Variants in PCDH9 observed in about 807,000 individuals in gnomAD.
PCDH9 encodes protocadherin-9.
A neutral mutation model predicts 70.6 loss-of-function variants in PCDH9; 24 were observed. That is an observed-to-expected ratio of 0.34 (90% CI 0.25 to 0.48). The LOEUF (loss-of-function observed/expected upper bound fraction) is 0.48, where lower values mean the gene tolerates loss of function less well. Ranked by LOEUF, PCDH9 falls within the 20% of genes least tolerant of loss-of-function variation. The probability of loss-of-function intolerance (pLI) is 0.99; values close to 1 mark genes in which losing one functional copy is unlikely to be tolerated. For missense variants in PCDH9, 1,281 were observed against 1,503.6 expected, an observed-to-expected ratio of 0.85 and a Z score of 2.45; for synonymous variants, 562 against 558.5, an observed-to-expected ratio of 1.01 and a Z score of -0.09.
intron 4 of PCDH9, among the ~76,000 whole-genome samples, chr13:66,327,636 ATACCTGTGCTATT>A (rs1955871090): frequency 1.3e-5 from 2 of 152,220 alleles, no homozygotes; most frequent in African/African-American, 4.8e-5. Flanking sequence ...CAAAGTTCAA[ATACCTGTGCTATT>A]ATAGGAGTGG....
intron 2 of PCDH9, among the ~76,000 whole-genome samples, chr13:66,938,374 T>C (rs1323909): frequency 0.37 from 56,331 of 152,058 alleles, 10,737 homozygotes; most frequent in East Asian, 0.57. Flanking sequence ...TAGACCGAAG[T>C]TTGCAAGATG....
intron 4 of PCDH9, among the ~76,000 whole-genome samples, chr13:66,516,832 C>T (rs1052578443): frequency 6.6e-6 from 1 of 151,964 alleles, no homozygotes; most frequent in Admixed American, 6.6e-5. Flanking sequence ...TCATCAAAAC[C>T]TTTAGAACCT....
In PCDH9 at chr13:66,764,620, GAA is replaced by G. The variant is rs1027252143; in HGVS notation, c.3139-133211_3139-133210del. Among the ~76,000 whole-genome samples, 3 of 152,038 alleles carry G rather than the reference GAA, an allele frequency of 2.0e-5. No individual in the cohort carries two copies. In the East Asian group the frequency reaches 5.8e-4, roughly 29 times the overall value. On this transcript the variant is annotated intron_variant, in intron 3 of 4. Transcript: ENST00000377865. Reference sequence around the variant, plus strand: ...TAAGACAAAAAAGAACAAAAGTAAAGAAAAAAGTTATTTTCCATCCTCTAAAG... The same window carrying G: ...TAAGACAAAAAAGAACAAAAGTAAAGAAAAGTTATTTTCCATCCTCTAAAG...
chr13:66,318,738 G>A (rs1197294493), intron 4 of PCDH9, among the ~76,000 whole-genome samples: 1 of 152,010 alleles, frequency 6.6e-6, no homozygotes, highest in Non-Finnish European at 1.5e-5. Flanking sequence ...GCATCATCTG[G>A]GTTATTTCCA....
At chr13:67,221,027 C>T (rs928795271) in intron 2 of PCDH9, 1 of 152,034 alleles carries the variant, frequency 6.6e-6, no homozygotes, top group Non-Finnish European at 1.5e-5. Context: ...TGAAAACTGA[C>T]TTCATGACCA....
chr13:66,691,666 T>A (rs2078488733), intron 3 of PCDH9, among the ~76,000 whole-genome samples: 1 of 152,164 alleles, frequency 6.6e-6, no homozygotes, highest in African/African-American at 2.4e-5. Flanking sequence ...TTAATCATTA[T>A]AATCACCATT....
At chr13:66,583,929 C>G (rs1406714271) in intron 4 of PCDH9, among the ~76,000 whole-genome samples, 1 of 152,136 alleles carries the variant, frequency 6.6e-6, no homozygotes, top group Admixed American at 6.5e-5. Context: ...ATGTTGTGAG[C>G]TGATGTTACC....
intron 4 of PCDH9, among the ~76,000 whole-genome samples, chr13:66,622,920 C>T (rs2077446175): frequency 6.6e-6 from 1 of 152,180 alleles, no homozygotes. Context: ...TGCAGCTTCA[C>T]TCCTGAAGCC....
intron 4 of PCDH9, among the ~76,000 whole-genome samples, chr13:66,383,924 C>T (rs2246680): frequency 0.98 from 148,593 of 152,208 alleles, 72,634 homozygotes; most frequent in East Asian, 1. Flanking sequence ...GTGCCCTAGT[C>T]CTTTTTTCTT....
At chr13:67,109,264 A>G (rs1215937556) in intron 2 of PCDH9, among the ~76,000 whole-genome samples, 1 of 151,990 alleles carries the variant, frequency 6.6e-6, no homozygotes, top group Admixed American at 6.6e-5. Context: ...AACTCTCCCC[A>G]CTTTATGTTC....
chr13:67,114,353 T>G (rs1017971720), intron 2 of PCDH9, among the ~76,000 whole-genome samples: 4 of 152,170 alleles, frequency 2.6e-5, no homozygotes, highest in African/African-American at 4.8e-5. Context: ...CAGGAACCAA[T>G]TTTAGCCTCT....
At chr13:66,533,596 C>T (rs538962977) in intron 4 of PCDH9, among the ~76,000 whole-genome samples, 2 of 152,130 alleles carry the variant, frequency 1.3e-5, no homozygotes, top group South Asian at 4.2e-4. Flanking sequence ...GGACATTCAA[C>T]CTAATGATTG....
At chr13:67,093,045 T>C (rs1467050117) in intron 2 of PCDH9, among the ~76,000 whole-genome samples, 2 of 152,222 alleles carry the variant, frequency 1.3e-5, no homozygotes, top group Non-Finnish European at 2.9e-5. Context: ...AAGAATATTT[T>C]GACCTCCAAA....
At chr13:66,735,997 A>T (rs978589798) in intron 3 of PCDH9, among the ~76,000 whole-genome samples, 2 of 152,060 alleles carry the variant, frequency 1.3e-5, no homozygotes, top group African/African-American at 4.8e-5. Flanking sequence ...AGAAGACATG[A>T]TATATGTGAA....
chr13:66,779,206 C>T (rs1191491121), intron 3 of PCDH9, among the ~76,000 whole-genome samples: 6 of 151,036 alleles, frequency 4.0e-5, no homozygotes, highest in Admixed American at 2.6e-4. Context: ...CATTTCCATT[C>T]TCCTTGAGCA....
intron 2 of PCDH9, among the ~76,000 whole-genome samples, chr13:66,909,255 C>G (rs1187462117): frequency 1.3e-5 from 2 of 151,806 alleles, no homozygotes; most frequent in African/African-American, 4.8e-5. Context: ...GTTGAAAGAT[C>G]TTTACAAGAA....
intron 2 of PCDH9, among the ~76,000 whole-genome samples, chr13:67,012,777 CTTT>C (rs1355640838): frequency 2.0e-5 from 3 of 151,892 alleles, no homozygotes; most frequent in African/African-American, 7.2e-5. Flanking sequence ...CAAATATTTC[CTTT>C]TTTATGTAAA....
intron 3 of PCDH9, among the ~76,000 whole-genome samples, chr13:66,868,726 T>C (rs1297241935): frequency 6.6e-6 from 1 of 152,144 alleles, no homozygotes; most frequent in Non-Finnish European, 1.5e-5. Flanking sequence ...GACATGAAAT[T>C]ATGGCAAGAG....
intron 2 of PCDH9, among the ~76,000 whole-genome samples, chr13:67,149,170 T>TA (rs754739362): frequency 3.6e-4 from 55 of 152,254 alleles, no homozygotes; most frequent in Non-Finnish European, 6.6e-4. Flanking sequence ...TAATTACATT[T>TA]AAAAAATGAT....
Sources: gnomAD v4.1 joint callset for allele counts (sites outside exome capture counted in the v4.1 genomes callset) on GRCh38, gnomAD v4.1.1 for gene constraint, MANE v1.5 for transcripts, NCBI Gene and HGNC (gene_info 2026-07-23, HGNC 2026-07-21) for gene names.